Variants in DAB1 observed in about 807,000 individuals in gnomAD.
DAB1 encodes the protein DAB adaptor protein 1.
A neutral mutation model predicts 64.6 loss-of-function variants in DAB1; 15 were observed. The ratio of observed to expected loss-of-function variants is 0.23; its 90% CI spans 0.16 to 0.36. The LOEUF is 0.36. Ranked by LOEUF, DAB1 falls within the 10% of genes least tolerant of loss-of-function variation. The pLI, the probability that DAB1 is intolerant of heterozygous loss-of-function variation, is 1.00. For missense variants in DAB1, 596 were observed against 706.7 expected (o/e 0.84, Z 1.78); for synonymous variants, 235 against 251.9 (o/e 0.93, Z 0.64).
At chr1:57,818,751 C>A (rs1651983000) in intron 6 of DAB1, among the ~76,000 whole-genome samples, 1 of 148,996 alleles carries the variant, frequency 6.7e-6, no homozygotes, top group African/African-American at 2.5e-5. Context: ...CTGCTAATAA[C>A]TACATTATAT....
chr1:57,981,707 A>G (rs1055393517), intron 5 of DAB1, among the ~76,000 whole-genome samples: 1 of 152,208 alleles, frequency 6.6e-6, no homozygotes, highest in African/African-American at 2.4e-5. Context: ...AAATCACATC[A>G]TAATTGTCCT....
At chr1:58,223,583 T>A (rs1183188502) in intron 4 of DAB1, among the ~76,000 whole-genome samples, 4 of 151,826 alleles carry the variant, frequency 2.6e-5, no homozygotes, top group African/African-American at 9.7e-5. Context: ...GACACAGGAG[T>A]TGGGGAGGAT....
intron 4 of DAB1, among the ~76,000 whole-genome samples, chr1:58,212,597 C>A (rs573631198): frequency 6.6e-6 from 1 of 152,286 alleles, no homozygotes; most frequent in South Asian, 2.1e-4. Context: ...TATGGAAATA[C>A]CATCTCCCCC....
chr1:57,984,099 A>G (rs964193805), intron 5 of DAB1, among the ~76,000 whole-genome samples: 2 of 151,740 alleles, frequency 1.3e-5, no homozygotes, highest in African/African-American at 4.8e-5. Flanking sequence ...GCACTTATAA[A>G]TTGTTGTAAA....
chr1:57,870,033 G>A (rs1643911692), intron 1 of DAB1, among the ~76,000 whole-genome samples: 1 of 152,062 alleles, frequency 6.6e-6, no homozygotes, highest in African/African-American at 2.4e-5. Context: ...CTGGAGTTAG[G>A]CAAATTGGAT....
At chr1:57,092,668 G>A (rs772574587) in intron 4 of DAB1, among the ~76,000 whole-genome samples, 11 of 130,650 alleles carry the variant, frequency 8.4e-5, no homozygotes, top group East Asian at 5.6e-4. Context: ...GTGGTCTGGC[G>A]GGGGAGGGGG....
chr1:57,744,517 C>A (rs533196405), intron 6 of DAB1, among the ~76,000 whole-genome samples: 60 of 151,300 alleles, frequency 4.0e-4, no homozygotes, highest in African/African-American at 1.4e-3. Context: ...TATCGGCAAA[C>A]GAAGAACTGG....
upstream of DAB1, among the ~76,000 whole-genome samples, chr1:57,885,055 A>G (rs1008047298): frequency 1.3e-5 from 2 of 152,212 alleles, no homozygotes; most frequent in Middle Eastern, 3.2e-3. Context: ...TCTTATCTTT[A>G]TAAATTACCC....
intron 1 of DAB1, chr1:58,538,823 G>A: frequency 1.2e-6 from 1 of 854,406 alleles, no homozygotes; most frequent in Non-Finnish European, 2.0e-6. Flanking sequence ...AATAACTTCT[G>A]TACTGGTTTA....
intron 4 of DAB1, among the ~76,000 whole-genome samples, chr1:58,175,322 C>T (rs1012408611): frequency 7.2e-5 from 11 of 152,240 alleles, no homozygotes; most frequent in Admixed American, 2.6e-4. Flanking sequence ...ACGAACCCAC[C>T]GGAAGGAAGA....
At chr1:57,473,375 A>T (rs1310060918) in intron 7 of DAB1, among the ~76,000 whole-genome samples, 1 of 152,078 alleles carries the variant, frequency 6.6e-6, no homozygotes, top group Admixed American at 6.6e-5. Context: ...AAGGGCCCTT[A>T]CTTGAGATGT....
intron 4 of DAB1, among the ~76,000 whole-genome samples, chr1:58,221,497 C>T (rs1350176697): frequency 3.3e-5 from 5 of 152,202 alleles, no homozygotes; most frequent in Non-Finnish European, 7.3e-5. Context: ...CATCACACTG[C>T]CATAGCCTCC....
intron 6 of DAB1, among the ~76,000 whole-genome samples, chr1:57,665,928 A>G (rs935604483): frequency 6.6e-6 from 1 of 150,770 alleles, no homozygotes; most frequent in Non-Finnish European, 1.5e-5. Context: ...TTTAATGAGT[A>G]CAGGTTAGTT....
intron 2 of DAB1, among the ~76,000 whole-genome samples, chr1:57,289,137 A>G (rs911731213): frequency 2.0e-5 from 3 of 152,188 alleles, no homozygotes; most frequent in Non-Finnish European, 4.4e-5. Context: ...AGGAGGTTCA[A>G]AAAGGGTCAC....
At chr1:58,138,005 T>G (rs1181126855) in intron 5 of DAB1, among the ~76,000 whole-genome samples, 1 of 152,136 alleles carries the variant, frequency 6.6e-6, no homozygotes, top group East Asian at 1.9e-4. Context: ...AGATTTGGGC[T>G]GGAAAAAAAT....
At chr1:57,256,110 A>G (rs72903262) in intron 2 of DAB1, among the ~76,000 whole-genome samples, 159 of 152,272 alleles carry the variant, frequency 1.0e-3, no homozygotes, top group African/African-American at 3.7e-3. Context: ...ATTATCCCTT[A>G]TTACTTTAAA....
intron 4 of DAB1, among the ~76,000 whole-genome samples, chr1:58,167,228 G>C (rs191969780): frequency 2.6e-5 from 4 of 152,310 alleles, no homozygotes; most frequent in Admixed American, 6.5e-5. Flanking sequence ...CTAGCTAAAG[G>C]ATTGTAAATG....
chr1:57,086,643 A>AC (rs1491276706), intron 4 of DAB1, among the ~76,000 whole-genome samples: 2 of 125,742 alleles, frequency 1.6e-5, no homozygotes, highest in African/African-American at 3.2e-5. Context: ...GTTCTGTCTT[A>AC]AACACACACA....
intron 4 of DAB1, among the ~76,000 whole-genome samples, chr1:58,285,121 A>T (rs1661653516): frequency 6.6e-6 from 1 of 152,202 alleles, no homozygotes; most frequent in Non-Finnish European, 1.5e-5. Context: ...ATGTTAAAAA[A>T]TCTCAATAAG....
Sources: gnomAD v4.1 joint callset for allele counts (sites outside exome capture counted in the v4.1 genomes callset) on GRCh38, gnomAD v4.1.1 for gene constraint, MANE v1.5 for transcripts, NCBI Gene and HGNC (gene_info 2026-07-23, HGNC 2026-07-21) for gene names.